CADPS2: variants seen among roughly 807,000 people sequenced by gnomAD.
CADPS2 encodes the protein calcium-dependent secretion activator 2.
Under a neutral mutation model 172.5 loss-of-function variants are expected in CADPS2, and 93 were observed. The observed-to-expected ratio is 0.54, with a 90% CI of 0.46 to 0.64. The LOEUF is 0.64. CADPS2 is among the 30% of genes least tolerant of loss of function. The pLI, the probability that CADPS2 is intolerant of heterozygous loss-of-function variation, is 0.00. For synonymous variants in CADPS2, 546 were observed against 555.2 expected, an observed-to-expected ratio of 0.98 and a Z score of 0.23; for missense variants, 1,420 against 1,565.9, an observed-to-expected ratio of 0.91 and a Z score of 1.57.
intron 2 of CADPS2, among the ~76,000 whole-genome samples, chr7:122,722,463 T>A (rs1208843667): frequency 2.0e-5 from 3 of 151,040 alleles, no homozygotes; most frequent in Non-Finnish European, 4.4e-5. Context: ...GAGAATAAAA[T>A]ACCTAGGAAT....
rs755982929 is a variant in CADPS2, at chr7:122,736,937, A to C, written c.453+18T>G. On this transcript the variant is annotated intron_variant, in intron 2 of 29. Coordinates refer to ENST00000449022, the MANE Select transcript of CADPS2 (RefSeq NM_017954.11). ...TAAAATGCATCGGAAAGCCAAAAAC[A>C]AAGCTCTTCAAACTTACCTCATAAT... is the stretch of plus-strand genomic sequence containing the variant. The C allele has an allele frequency of 1.1e-5, 15 of 1,313,046 alleles. No individual in the cohort carries two copies. The highest frequency in any genetic ancestry group is 3.7e-4 in the Middle Eastern group (2 of 5,388). 81.3% of individuals were successfully genotyped at this position (1,313,046 alleles called of 1,614,324 possible).
intron 14 of CADPS2, among the ~76,000 whole-genome samples, chr7:122,469,356 C>T (rs2055593810): frequency 1.3e-5 from 2 of 152,124 alleles, no homozygotes; most frequent in African/African-American, 4.8e-5. Context: ...CTGAAACCTT[C>T]TCATCCTCTT....
intron 17 of CADPS2, among the ~76,000 whole-genome samples, chr7:122,423,764 G>GCAT (rs140270721): frequency 6.6e-6 from 1 of 152,254 alleles, no homozygotes; most frequent in East Asian, 1.9e-4. Context: ...AAATTGCTTG[G>GCAT]CATCATTCCG....
rs372572074 is a variant in CADPS2 at position 122,337,758 on chromosome 7, G to GAAA, written c.3612+7813_3612+7815dup. ...GTTTTAAAGAGAAACAAACTTTAAG[G>GAAA]AAAAAAAAAAAAAAAAGCTGAGGAG... is the stretch of plus-strand genomic sequence containing the variant. On this transcript the variant is annotated intron_variant, in intron 28 of 29. Transcript: ENST00000449022. Among the ~76,000 whole-genome samples, 230 of 134,448 alleles carry GAAA rather than the reference G, an allele frequency of 1.7e-3. 1 individual carries two copies. The highest frequency in any genetic ancestry group is 3.2e-3 in the African/African-American group (115 of 35,594). The allele number at this position is 134,448 out of a possible 152,430, so 88.2% of individuals were successfully genotyped here.
At chr7:122,583,587 T>C (rs2069154089) in intron 6 of CADPS2, among the ~76,000 whole-genome samples, 1 of 151,176 alleles carries the variant, frequency 6.6e-6, no homozygotes, top group Admixed American at 6.6e-5. Context: ...TATATGTGTG[T>C]GTATATATAT....
At chr7:122,679,762 G>A (rs762383019) in intron 2 of CADPS2, among the ~76,000 whole-genome samples, 14 of 152,078 alleles carry the variant, frequency 9.2e-5, no homozygotes, top group African/African-American at 1.4e-4. Context: ...TTCTCAGACC[G>A]GCCAACACTG....
At position 122,390,601 on chromosome 7, in the gene CADPS2, A is replaced by G. The variant is rs184093835; in HGVS notation, c.3009-1863T>C. Among the ~76,000 whole-genome samples the G allele has an allele frequency of 3.6e-4, 55 of 152,192 alleles. No individual in the cohort carries two copies. In the Middle Eastern group the frequency reaches 0.014, roughly 38 times the overall value. ...TTTCTAATAATACATGGCAATCTTC[A>G]TAGAGAATATGGTTACATTTTTCTT... On this transcript the variant is annotated intron_variant, in intron 22 of 29. Coordinates refer to ENST00000449022, the MANE Select transcript of CADPS2 (RefSeq NM_017954.11).
intron 1 of CADPS2, among the ~76,000 whole-genome samples, chr7:122,766,791 G>C (rs1364328626): frequency 2.0e-5 from 3 of 152,082 alleles, no homozygotes; most frequent in African/African-American, 7.2e-5. Context: ...ACAAGATAAG[G>C]AGTGACAGGT....
intron 1 of CADPS2, among the ~76,000 whole-genome samples, chr7:122,867,034 T>C (rs1242910114): frequency 1.3e-5 from 2 of 152,140 alleles, no homozygotes; most frequent in Non-Finnish European, 1.5e-5. Flanking sequence ...TTTAGTGCTA[T>C]ATTGGATACT....
At chr7:122,350,235 C>T (rs980242931) in intron 27 of CADPS2, among the ~76,000 whole-genome samples, 6 of 151,976 alleles carry the variant, frequency 3.9e-5, no homozygotes, top group African/African-American at 1.4e-4. Context: ...AACATGTCTT[C>T]GAAATTTGAA....
intron 8 of CADPS2, among the ~76,000 whole-genome samples, chr7:122,531,689 G>T (rs569910769): frequency 6.6e-6 from 1 of 152,180 alleles, no homozygotes; most frequent in South Asian, 2.1e-4. Flanking sequence ...CCCAATATAT[G>T]TATTATCCCT....
At chr7:122,772,827 T>C (rs1447201596) in intron 1 of CADPS2, among the ~76,000 whole-genome samples, 1 of 152,086 alleles carries the variant, frequency 6.6e-6, no homozygotes, top group Non-Finnish European at 1.5e-5. Context: ...ATAAGATACT[T>C]AAGCCATATA....
intron 1 of CADPS2, among the ~76,000 whole-genome samples, chr7:122,744,102 G>A (rs2092617013): frequency 6.6e-6 from 1 of 152,204 alleles, no homozygotes; most frequent in Non-Finnish European, 1.5e-5. Context: ...CCAGATGCAA[G>A]CAAATGTATG....
At chr7:122,413,619 G>A (rs2047560213) in intron 19 of CADPS2, among the ~76,000 whole-genome samples, 1 of 152,186 alleles carries the variant, frequency 6.6e-6, no homozygotes, top group East Asian at 1.9e-4. Context: ...TGAGCCAGGT[G>A]CTCTTTCATG....
At chr7:122,663,782 G>C (rs1042665573) in intron 2 of CADPS2, among the ~76,000 whole-genome samples, 8 of 152,210 alleles carry the variant, frequency 5.3e-5, no homozygotes, top group African/African-American at 1.9e-4. Flanking sequence ...AGGAGACACA[G>C]TATACAGTAA....
intron 8 of CADPS2, among the ~76,000 whole-genome samples, chr7:122,540,020 TAA>T (rs1383761674): frequency 1.3e-5 from 2 of 152,140 alleles, no homozygotes; most frequent in African/African-American, 4.8e-5. Context: ...TCTTTTGTGT[TAA>T]GTTTACTGTT....
chr7:122,507,868 C>T (rs1469995025), intron 9 of CADPS2, among the ~76,000 whole-genome samples: 1 of 151,864 alleles, frequency 6.6e-6, no homozygotes, highest in Admixed American at 6.6e-5. Flanking sequence ...ATCTTTTCTG[C>T]CATGAGGGTA....
chr7:122,638,504 C>T (rs1241253272), intron 3 of CADPS2, among the ~76,000 whole-genome samples: 2 of 152,164 alleles, frequency 1.3e-5, no homozygotes, highest in African/African-American at 4.8e-5. Context: ...GTAGAGCAAT[C>T]TGTCCATCTC....
Position 122,416,112 on chromosome 7 carries a change from C to A in CADPS2, c.2529G>T (p.Leu843=), listed in dbSNP as rs2047877795. Residue 843 remains leucine, a synonymous_variant, in exon 18 of 30, where the codon CTG becomes CTT. Transcript: ENST00000449022. ...PARKLEEILH[L]AELCIEVLQQ... is the part of the protein sequence containing the mutation. ...GTAAGACTTCTATGCAGAGCTCTGC[C>A]AGATGAAGAATCTCTTCCAGCTTTC... 1.3e-6 allele frequency: 2 copies of A among 1,554,380 alleles called. No individual in the cohort carries two copies. The highest frequency in any genetic ancestry group is 1.2e-5 in the South Asian group (1 of 84,638).
Sources: allele counts gnomAD v4.1 joint callset (sites outside exome capture counted in the v4.1 genomes callset), GRCh38; gene constraint gnomAD v4.1.1; transcripts MANE v1.5; gene names NCBI Gene and HGNC (gene_info 2026-07-23, HGNC 2026-07-21).